The following ZC3HAV1 variants were observed in gnomAD, a reference collection of about 807,000 sequenced individuals.
ZC3HAV1 encodes the protein zinc finger CCCH-type antiviral protein 1.
A neutral mutation model predicts 86.6 loss-of-function variants in ZC3HAV1; 41 were observed. The observed-to-expected ratio is 0.47, with a 90% CI of 0.37 to 0.61. ZC3HAV1 has a LOEUF of 0.61. Among genes scored for constraint, ZC3HAV1 ranks in the 20% least tolerant of loss-of-function variants. The pLI is 0.00. For synonymous variants in ZC3HAV1, 421 were observed against 432.1 expected (o/e 0.97, Z 0.32); for missense variants, 964 against 1,141.1 (o/e 0.84, Z 2.24).
At chr7:139,049,696 T>TA (rs765725824) in intron 12 of ZC3HAV1, 2 of 153,586 alleles carry the variant, frequency 1.3e-5, no homozygotes, top group Non-Finnish European at 2.9e-5. Flanking sequence ...GCTCAACCCT[T>TA]ACGTTCAGCA....
chr7:139,079,313 C>T (rs750658814), intron 4 of ZC3HAV1, 157 bp downstream of exon 4: 25 of 1,540,722 alleles, frequency 1.6e-5, no homozygotes, highest in Non-Finnish European at 2.1e-5. Context: ...ACTTCCAGTA[C>T]GTAACATATC....
chr7:139,050,224 T>C (rs1816083709), intron 12 of ZC3HAV1, among the ~76,000 whole-genome samples: 1 of 152,228 alleles, frequency 6.6e-6, no homozygotes. Flanking sequence ...TTTAGTTTGA[T>C]GCTATCTCAT....
rs746886452 is a variant in ZC3HAV1 at position 139,079,980 on chromosome 7, T to C, written c.961A>G (p.Thr321Ala). The change falls in exon 4 of 13, where the codon ACA (threonine) becomes GCA (alanine). Residue 321 changes from threonine (T) to alanine (A), a missense_variant. Coordinates refer to ENST00000242351, the MANE Select transcript of ZC3HAV1 (RefSeq NM_020119.4). The part of the protein sequence containing the change: ...GSSKATDLGG[T>A]SQAGTSQRFL... Reference sequence around the variant, plus strand: ...CTCTGGCTTGTCCCGGCCTGACTTGTTCCTCCAAGATCAGTAGCCTTGGAC... The same window carrying C: ...CTCTGGCTTGTCCCGGCCTGACTTGCTCCTCCAAGATCAGTAGCCTTGGAC... The C allele has an allele frequency of 1.2e-6, 2 of 1,614,210 alleles. No homozygotes were observed. Among genetic ancestry groups the C allele is most frequent in the Middle Eastern group, 1.6e-4 (1 of 6,062 alleles).
At chr7:139,091,712 G>A (rs1232120941) in intron 1 of ZC3HAV1, among the ~76,000 whole-genome samples, 1 of 152,032 alleles carries the variant, frequency 6.6e-6, no homozygotes, top group Non-Finnish European at 1.5e-5. Context: ...GAACTCCTGG[G>A]CTCAAGCGAT....
rs1367641871 is a variant in ZC3HAV1, at chr7:139,108,198, T to C, written c.308+826A>G. Among the ~76,000 whole-genome samples, 1 of 151,468 alleles carries C rather than the reference T, an allele frequency of 6.6e-6. No homozygotes were observed. The highest frequency in any genetic ancestry group is 2.4e-5 in the African/African-American group (1 of 41,156). ...CAGCTGTCCTCGAGGGAGCAAGCTC[T>C]CTTAGGGAGAAACTGGGAAGAAAAT... On this transcript the variant is annotated intron_variant, in intron 1 of 12. Coordinates refer to ENST00000242351, the MANE Select transcript of ZC3HAV1 (RefSeq NM_020119.4). The surrounding 1 kb of genome is among the most constrained non-coding windows in gnomAD (Gnocchi z 4.2).
At chr7:139,053,187 A>C (rs1243624921) in intron 12 of ZC3HAV1, among the ~76,000 whole-genome samples, 1 of 152,210 alleles carries the variant, frequency 6.6e-6, no homozygotes, top group Non-Finnish European at 1.5e-5. Flanking sequence ...CAGATGGAGT[A>C]GTTTACAAGC....
chr7:139,050,888 T>C (rs1366982030), intron 12 of ZC3HAV1, among the ~76,000 whole-genome samples: 3 of 152,170 alleles, frequency 2.0e-5, no homozygotes, highest in East Asian at 1.9e-4. Flanking sequence ...GCTTAAAACC[T>C]TTCATTAGTT....
rs1817058598 is a variant in ZC3HAV1 at position 139,079,459 on chromosome 7, T to C, written c.1471+11A>G. 1.2e-6 allele frequency: 2 copies of C among 1,613,990 alleles called. No individual in the cohort carries two copies. Among genetic ancestry groups the C allele is most frequent in the Non-Finnish European group, 1.7e-6 (2 of 1,180,018 alleles). ...ATGTACTAGCCCAAAGTGTCTTCCC[T>C]TTGTATTTACCGTTAACAAGTGCTA... On this transcript the variant is annotated intron_variant, in intron 4 of 12. Transcript: ENST00000242351.
chr7:139,079,351 G>C, intron 4 of ZC3HAV1, 119 bp downstream of exon 4: 1 of 1,583,948 alleles, frequency 6.3e-7, no homozygotes, highest in Non-Finnish European at 8.6e-7. Context: ...CCATTGTTAA[G>C]CCAAAACCAG....
At position 139,101,980 on chromosome 7, in the gene ZC3HAV1, T is replaced by C. The variant is rs998392561; in HGVS notation, c.308+7044A>G. 5.4e-5 allele frequency among the ~76,000 whole-genome samples: 8 copies of C among 147,866 alleles called. No homozygotes were observed. In the East Asian group the frequency reaches 6.0e-4, roughly 11 times the overall value. On this transcript the variant is annotated intron_variant, in intron 1 of 12. Transcript: ENST00000242351. ...TATGACCCTGCTAAATCCCCCTCTG[T>C]GAGAAACACCCAAGAATGATCAATA...
chr7:139,082,328 A>T (rs12056109), intron 3 of ZC3HAV1, among the ~76,000 whole-genome samples: 2 of 77,672 alleles, frequency 2.6e-5, no homozygotes, highest in East Asian at 5.5e-4. Context: ...GGCTATTATT[A>T]AAAAAAAAAA....
chr7:139,089,890 C>CT, intron 1 of ZC3HAV1, 131 bp from the exon 2 acceptor site: 1 of 904,956 alleles, frequency 1.1e-6, no homozygotes, highest in Non-Finnish European at 1.6e-6. Flanking sequence ...GTTGGTTCTG[C>CT]TTAAAGAATA....
intron 1 of ZC3HAV1, among the ~76,000 whole-genome samples, chr7:139,103,661 A>C (rs917719049): frequency 1.3e-5 from 2 of 152,240 alleles, no homozygotes; most frequent in Non-Finnish European, 2.9e-5. Flanking sequence ...AACCATGAGC[A>C]CCAGGAAACA....
rs372284348 is a variant in ZC3HAV1 at position 139,109,260 on chromosome 7, G to T, written c.72C>A (p.Asp24Glu). ...ACAGCGCGATCTCCTGGAGCAGCGC[G>T]TCCAGGGCCATGCGGCCCCCGTGGG... Reference protein sequence around the residue: ...LCAHGGRMALDALLQEIALSE... With the variant: ...LCAHGGRMALEALLQEIALSE... Residue 24 changes from aspartate (D) to glutamate (E), a missense_variant, in exon 1 of 13, where the codon GAC (aspartate) becomes GAA (glutamate). Physicochemically the swap from Asp to Glu is conservative, Grantham distance 45. Coordinates refer to ENST00000242351, the MANE Select transcript of ZC3HAV1 (RefSeq NM_020119.4). 4.3e-6 allele frequency: 7 copies of T among 1,612,014 alleles called. No individual in the cohort carries two copies. The Admixed American group carries it at 1.2e-4, about 27-fold the overall frequency.
chr7:139,081,158 T>C (rs1817117317), intron 3 of ZC3HAV1, among the ~76,000 whole-genome samples: 1 of 151,850 alleles, frequency 6.6e-6, no homozygotes, highest in Non-Finnish European at 1.5e-5. Context: ...GCACGTGATG[T>C]TTATGTGGGG....
At chr7:139,097,864 T>C (rs1817653668) in intron 1 of ZC3HAV1, among the ~76,000 whole-genome samples, 1 of 152,122 alleles carries the variant, frequency 6.6e-6, no homozygotes, top group Non-Finnish European at 1.5e-5. Context: ...CCTTTAGGGC[T>C]GATGAAAATG....
chr7:139,106,456 T>C (rs1196826262), intron 1 of ZC3HAV1, among the ~76,000 whole-genome samples: 7 of 151,878 alleles, frequency 4.6e-5, no homozygotes, highest in African/African-American at 1.7e-4. Flanking sequence ...CTACTAAAAA[T>C]ACAAAAAATT....
chr7:139,102,932 GTA>G (rs1409150562), intron 1 of ZC3HAV1, among the ~76,000 whole-genome samples: 1 of 130,892 alleles, frequency 7.6e-6, no homozygotes, highest in Non-Finnish European at 1.6e-5. Context: ...AAAAAAAAAA[GTA>G]TATATATATG....
chr7:139,102,938 A>ATATATG (rs57404294), intron 1 of ZC3HAV1, among the ~76,000 whole-genome samples: 20,598 of 146,504 alleles, frequency 0.14, 1,626 homozygotes, highest in African/African-American at 0.17. Context: ...AAAAGTATAT[A>ATATATG]TATATGTATA....
Sources: gnomAD v4.1 joint callset for allele counts (sites outside exome capture counted in the v4.1 genomes callset) on GRCh38, gnomAD v4.1.1 for gene constraint, Gnocchi (gnomAD v3.1) non-coding constraint, MANE v1.5 for transcripts, NCBI Gene and HGNC (gene_info 2026-07-23, HGNC 2026-07-21) for gene names.